The following DNER variants were observed in gnomAD, a reference collection of about 807,000 sequenced individuals.
DNER encodes the protein delta/notch like EGF repeat containing.
DNER carries 33 observed loss-of-function variants against 78.2 expected under a neutral mutation model. The ratio of observed to expected loss-of-function variants is 0.42; its 90% CI spans 0.32 to 0.56. The LOEUF (loss-of-function observed/expected upper bound fraction) is 0.56. Among genes scored for constraint, DNER ranks in the 20% least tolerant of loss-of-function variants. The pLI is 0.11. For synonymous variants in DNER, 417 were observed against 384.8 expected (o/e 1.08, Z -0.98); for missense variants, 918 against 975.3 (o/e 0.94, Z 0.78).
chr2:229,630,581 G>T (rs1698418197), intron 1 of DNER, among the ~76,000 whole-genome samples: 1 of 151,642 alleles, frequency 6.6e-6, no homozygotes, highest in African/African-American at 2.4e-5. Context: ...GGGATCGCAA[G>T]CTAATATATA....
chr2:229,646,998 C>G (rs574440566), intron 1 of DNER, among the ~76,000 whole-genome samples: 7 of 152,282 alleles, frequency 4.6e-5, no homozygotes, highest in African/African-American at 1.7e-4. Flanking sequence ...GAAAACCCGT[C>G]TCTACTAAAA....
At chr2:229,584,893 C>CA (rs112680143) in intron 4 of DNER, among the ~76,000 whole-genome samples, 7,504 of 60,052 alleles carry the variant, frequency 0.12, 343 homozygotes, top group African/African-American at 0.23. Flanking sequence ...GAGATCGTCC[C>CA]AAAAAAAAAA....
At chr2:229,544,984 A>G (rs1696592190) in intron 5 of DNER, among the ~76,000 whole-genome samples, 2 of 152,140 alleles carry the variant, frequency 1.3e-5, no homozygotes, top group South Asian at 4.2e-4. Context: ...CTAGTACCCA[A>G]TGTGCTGACG....
intron 1 of DNER, among the ~76,000 whole-genome samples, chr2:229,713,372 C>T (rs1699938129): frequency 6.6e-6 from 1 of 152,240 alleles, no homozygotes; most frequent in South Asian, 2.1e-4. Context: ...TACATCCCAT[C>T]GTCCCATCCC....
At chr2:229,370,181 A>G (rs1170892853) in intron 11 of DNER, among the ~76,000 whole-genome samples, 11 of 152,202 alleles carry the variant, frequency 7.2e-5, no homozygotes, top group Admixed American at 7.2e-4. Context: ...AGTCTGAAGA[A>G]GAGCACAGAT....
chr2:229,537,508 CT>C (rs1696429435), intron 5 of DNER, among the ~76,000 whole-genome samples: 1 of 152,234 alleles, frequency 6.6e-6, no homozygotes, highest in Admixed American at 6.5e-5. Flanking sequence ...TCTCTTAGAC[CT>C]TGATTTCCTG....
intron 4 of DNER, among the ~76,000 whole-genome samples, chr2:229,572,322 T>C (rs1697231731): frequency 6.6e-6 from 1 of 152,212 alleles, no homozygotes; most frequent in African/African-American, 2.4e-5. Flanking sequence ...ACAGTTCATC[T>C]AATATTGAAT....
chr2:229,655,504 G>C (rs1167571740), intron 1 of DNER, among the ~76,000 whole-genome samples: 2 of 152,258 alleles, frequency 1.3e-5, no homozygotes, highest in Non-Finnish European at 2.9e-5. Context: ...AGGCAAATAC[G>C]ACAGTTCAGA....
intron 1 of DNER, among the ~76,000 whole-genome samples, chr2:229,672,233 G>A (rs901756063): frequency 6.6e-6 from 1 of 152,140 alleles, no homozygotes; most frequent in African/African-American, 2.4e-5. Flanking sequence ...CTGGTGTCCT[G>A]TCTGGGGTAG....
At chr2:229,617,835 C>G (rs1253363205) in intron 1 of DNER, among the ~76,000 whole-genome samples, 1 of 152,096 alleles carries the variant, frequency 6.6e-6, no homozygotes, top group South Asian at 2.1e-4. Context: ...ACCTGTGGTC[C>G]CAGCTACTTA....
intron 5 of DNER, among the ~76,000 whole-genome samples, chr2:229,533,080 C>T (rs891376461): frequency 1.3e-5 from 2 of 152,156 alleles, no homozygotes; most frequent in Non-Finnish European, 2.9e-5. Context: ...TGAGAGACTA[C>T]AATGTGGGTT....
intron 1 of DNER, among the ~76,000 whole-genome samples, chr2:229,706,015 G>T (rs1462862072): frequency 6.6e-6 from 1 of 152,152 alleles, no homozygotes; most frequent in African/African-American, 2.4e-5. Flanking sequence ...AGACTCTAGA[G>T]ATTTAAGCAA....
chr2:229,389,025 C>A (rs73098237), intron 10 of DNER, among the ~76,000 whole-genome samples: 1 of 151,888 alleles, frequency 6.6e-6, no homozygotes. Context: ...CTGCTTGAAG[C>A]TGGGGGACCT....
chr2:229,425,547 G>C (rs1371469842), intron 8 of DNER, among the ~76,000 whole-genome samples: 1 of 152,074 alleles, frequency 6.6e-6, no homozygotes, highest in Admixed American at 6.5e-5. Context: ...CCCAGTAAAA[G>C]GCAAAGCCTT....
At chr2:229,587,251 C>T (rs764408) in intron 3 of DNER, 13,459 of 153,232 alleles carry the variant, frequency 0.088, 687 homozygotes, top group East Asian at 0.17. Context: ...CAGCTGTAGT[C>T]TGAGCAGTGA....
In DNER at chr2:229,358,617, C is replaced by T. The variant is rs1418239974; in HGVS notation, c.2137G>A (p.Val713Met). 4 of 1,613,818 alleles carry T rather than the reference C, an allele frequency of 2.5e-6. No homozygotes were observed. The highest frequency in any genetic ancestry group is 3.4e-6 in the Non-Finnish European group (4 of 1,179,924). The change falls in exon 13 of 13, where the codon GTG becomes ATG. Residue 713 changes from valine to methionine, a missense_variant. Coordinates refer to ENST00000341772, the MANE Select transcript of DNER (RefSeq NM_139072.4). ...GKKSRPAMYD[V>M]SPIAYEDYSP... Reference sequence around the variant, plus strand: ...TAATCTTCATAGGCGATGGGGCTCACATCATACATTGCAGGCCGGGATTTC... The same window carrying T: ...TAATCTTCATAGGCGATGGGGCTCATATCATACATTGCAGGCCGGGATTTC...
intron 4 of DNER, among the ~76,000 whole-genome samples, chr2:229,570,522 G>A (rs1697197424): frequency 1.3e-5 from 2 of 151,996 alleles, no homozygotes; most frequent in Non-Finnish European, 2.9e-5. Flanking sequence ...AGCTACGTGG[G>A]AGGCTGAGGC....
chr2:229,376,067 C>T (rs937995222), intron 11 of DNER, among the ~76,000 whole-genome samples: 1 of 152,182 alleles, frequency 6.6e-6, no homozygotes, highest in Non-Finnish European at 1.5e-5. Flanking sequence ...CGCCTTTTGC[C>T]GTGCTTGTAA....
At chr2:229,710,985 A>ACACG (rs1699904067) in intron 1 of DNER, among the ~76,000 whole-genome samples, 4 of 104,848 alleles carry the variant, frequency 3.8e-5, no homozygotes, top group African/African-American at 1.2e-4. Flanking sequence ...ATACACGCGC[A>ACACG]CACACACACA....
Sources: allele counts gnomAD v4.1 joint callset (sites outside exome capture counted in the v4.1 genomes callset), GRCh38; gene constraint gnomAD v4.1.1; transcripts MANE v1.5; gene names NCBI Gene and HGNC (gene_info 2026-07-23, HGNC 2026-07-21).